Variants in FAM163B observed in about 807,000 individuals in gnomAD.
The protein encoded by FAM163B is protein FAM163B.
A neutral mutation model predicts 7.6 loss-of-function variants in FAM163B; 4 were observed. The ratio of observed to expected loss-of-function variants is 0.52; its 90% CI spans 0.26 to 1.20. The LOEUF (loss-of-function observed/expected upper bound fraction) is 1.20. FAM163B is among the 50% of genes most tolerant of loss of function. The probability of loss-of-function intolerance (pLI) is 0.14; values close to 1 mark genes in which losing one functional copy is unlikely to be tolerated. For synonymous variants in FAM163B, 120 were observed against 111.6 expected (o/e 1.07, Z -0.47); for missense variants, 250 against 243.0 (o/e 1.03, Z -0.19).
At chr9:133,585,428 CG>C (rs1227675621) in intron 1 of FAM163B, among the ~76,000 whole-genome samples, 7 of 152,272 alleles carry the variant, frequency 4.6e-5, no homozygotes, top group Non-Finnish European at 1.0e-4. Flanking sequence ...GTAAAGCCCA[CG>C]GGAACGGACC....
At chr9:133,591,236 C>T (rs528477718) in intron 1 of FAM163B, among the ~76,000 whole-genome samples, 1 of 152,366 alleles carries the variant, frequency 6.6e-6, no homozygotes, top group South Asian at 2.1e-4. Flanking sequence ...TGGCACTGGG[C>T]CCCTGTCTCC....
chr9:133,599,423 T>C (rs535071716), intron 1 of FAM163B, among the ~76,000 whole-genome samples: 11 of 152,298 alleles, frequency 7.2e-5, no homozygotes, highest in African/African-American at 2.4e-4. Context: ...AGCCTGTGTC[T>C]GTGTGTTTGC....
chr9:133,595,326 A>G (rs1405470751), intron 1 of FAM163B, among the ~76,000 whole-genome samples: 2 of 152,176 alleles, frequency 1.3e-5, no homozygotes, highest in East Asian at 1.9e-4. Context: ...TTGTGGTTTT[A>G]GTAGAGACGA....
rs370633042 is a variant in FAM163B at position 133,599,925 on chromosome 9, TGTGA to T, written c.-24+9148_-24+9151del. Among the ~76,000 whole-genome samples, 710 of 151,336 alleles carry T rather than the reference TGTGA, an allele frequency of 4.7e-3. 4 individuals are homozygous for T. The highest frequency in any genetic ancestry group is 0.016 in the African/African-American group (639 of 41,200). On this transcript the variant is annotated intron_variant, in intron 1 of 2. Transcript: ENST00000673969. The stretch of plus-strand genomic sequence containing the variant: ...TGTGGGTGTGGTCTGTGTGCATGTG[TGTGA>T]GTGTGGTCTATGTGCATATGTGTGT...
At chr9:133,581,964 A>G (rs1831362950) in intron 1 of FAM163B, among the ~76,000 whole-genome samples, 1 of 152,148 alleles carries the variant, frequency 6.6e-6, no homozygotes, top group Non-Finnish European at 1.5e-5. Context: ...GACTTTCCAA[A>G]TGTTATCCTT....
At chr9:133,607,903 G>A (rs1831809080) in intron 1 of FAM163B, among the ~76,000 whole-genome samples, 1 of 152,182 alleles carries the variant, frequency 6.6e-6, no homozygotes, top group South Asian at 2.1e-4. Context: ...CCCTTGCCCA[G>A]CCCAGGAAGT....
intron 1 of FAM163B, among the ~76,000 whole-genome samples, chr9:133,581,787 G>A (rs1831360208): frequency 2.0e-5 from 3 of 152,146 alleles, no homozygotes; most frequent in African/African-American, 7.2e-5. Context: ...ACTCCCAGGG[G>A]CCTGGTGTCT....
At chr9:133,593,937 T>TC (rs1831593097) in intron 1 of FAM163B, among the ~76,000 whole-genome samples, 2 of 151,376 alleles carry the variant, frequency 1.3e-5, no homozygotes, top group Admixed American at 6.6e-5. Context: ...CCACATCCAC[T>TC]CCCCCTCTGC....
At chr9:133,591,423 C>A (rs1038888714) in intron 1 of FAM163B, among the ~76,000 whole-genome samples, 2 of 152,158 alleles carry the variant, frequency 1.3e-5, no homozygotes, top group African/African-American at 4.8e-5. Context: ...CTGTTGGGGC[C>A]GTGCACACAC....
At chr9:133,602,010 G>T (rs2131262031) in intron 1 of FAM163B, among the ~76,000 whole-genome samples, 1 of 152,310 alleles carries the variant, frequency 6.6e-6, no homozygotes, top group Admixed American at 6.5e-5. Flanking sequence ...GGGCTCCACG[G>T]GCCGCACCGG....
rs535084192 is a variant in FAM163B at position 133,606,445 on chromosome 9, C to A, written c.-24+2632G>T. Reference sequence around the variant, plus strand: ...AGTGTGGCAGCAGCTGGCAGAGAAGCCCCCCAGCCCCACCCTGGCCTCTGT... The same window carrying A: ...AGTGTGGCAGCAGCTGGCAGAGAAGACCCCCAGCCCCACCCTGGCCTCTGT... On this transcript the variant is annotated intron_variant, in intron 1 of 2. Coordinates refer to ENST00000673969, the MANE Select transcript of FAM163B (RefSeq NM_001080515.3). The surrounding 1 kb of genome is among the most constrained non-coding windows in gnomAD (Gnocchi z 4.0). Among the ~76,000 whole-genome samples, 1 of 152,196 alleles carries A rather than the reference C, an allele frequency of 6.6e-6. No individual in the cohort carries two copies.
intron 1 of FAM163B, 34 bp from the exon 2 acceptor site, chr9:133,580,280 G>T: frequency 6.8e-7 from 1 of 1,473,274 alleles, no homozygotes; most frequent in Non-Finnish European, 9.4e-7. Context: ...AGAGCATCAC[G>T]CTTCCTCACC....
At chr9:133,583,820 C>T (rs1479776894) in intron 1 of FAM163B, among the ~76,000 whole-genome samples, 3 of 152,230 alleles carry the variant, frequency 2.0e-5, no homozygotes, top group Non-Finnish European at 2.9e-5. Flanking sequence ...CTCTCAGCCT[C>T]GCTCTGCAGA....
At position 133,577,441 on chromosome 9, in the gene FAM163B, G is replaced by A. The variant is rs1831268285; in HGVS notation, c.*1581C>T. On this transcript the variant is annotated 3_prime_UTR_variant, in exon 3 of 3. Coordinates refer to ENST00000673969, the MANE Select transcript of FAM163B (RefSeq NM_001080515.3). ...CGAGGCAGGAGAGAAAGTAAGAGGA[G>A]GAAAACAATTGAGAACATAACGATT... is the stretch of plus-strand genomic sequence containing the variant. 1.3e-5 allele frequency among the ~76,000 whole-genome samples: 2 copies of A among 152,378 alleles called. No individual in the cohort carries two copies. The highest frequency in any genetic ancestry group is 6.5e-5 in the Admixed American group (1 of 15,312).
chr9:133,588,504 G>A (rs1470767118), intron 1 of FAM163B, among the ~76,000 whole-genome samples: 2 of 1,714 alleles, frequency 1.2e-3, no homozygotes, highest in East Asian at 0.024. Context: ...GGCCCAAGGA[G>A]GTTGGATCCC....
intron 1 of FAM163B, among the ~76,000 whole-genome samples, chr9:133,597,922 A>C (rs903484112): frequency 2.6e-5 from 4 of 152,184 alleles, no homozygotes; most frequent in Admixed American, 6.5e-5. Flanking sequence ...GGGGAGATGA[A>C]GAGCAGCATT....
At chr9:133,607,771 C>G (rs1047561032) in intron 1 of FAM163B, among the ~76,000 whole-genome samples, 4 of 152,168 alleles carry the variant, frequency 2.6e-5, no homozygotes, top group Non-Finnish European at 5.9e-5. Flanking sequence ...AAGTGCAAGA[C>G]CGAATGAACA....
At chr9:133,586,539 A>G (rs987700740) in intron 1 of FAM163B, among the ~76,000 whole-genome samples, 7 of 152,194 alleles carry the variant, frequency 4.6e-5, no homozygotes, top group African/African-American at 1.7e-4. Flanking sequence ...AGATTTCTAG[A>G]AGCTCCCCCC....
At chr9:133,580,564 C>T (rs1307713885) in intron 1 of FAM163B, among the ~76,000 whole-genome samples, 2 of 152,190 alleles carry the variant, frequency 1.3e-5, no homozygotes, top group South Asian at 2.1e-4. Context: ...CAATGAATGG[C>T]GCCCTTCCAG....
Sources: gnomAD v4.1 joint callset for allele counts (sites outside exome capture counted in the v4.1 genomes callset) on GRCh38, gnomAD v4.1.1 for gene constraint, Gnocchi (gnomAD v3.1) non-coding constraint, MANE v1.5 for transcripts, NCBI Gene and HGNC (gene_info 2026-07-23, HGNC 2026-07-21) for gene names.